The following RANBP17 variants were observed in gnomAD, a reference collection of about 807,000 sequenced individuals.
RANBP17 encodes RAN binding protein 17, also known as ran-binding protein 17.
RANBP17 carries 158 observed loss-of-function variants against 141.2 expected under a neutral mutation model. The ratio of observed to expected loss-of-function variants is 1.12; its 90% confidence interval spans 0.98 to 1.28. The LOEUF (loss-of-function observed/expected upper bound fraction) is 1.28, where lower values mean the gene tolerates loss of function less well. RANBP17 is among the 50% of genes most tolerant of loss of function. The probability of loss-of-function intolerance (pLI) is 0.00; values close to 1 mark genes in which losing one functional copy is unlikely to be tolerated. For missense variants in RANBP17, 1,438 were observed against 1,290.7 expected, an observed-to-expected ratio of 1.11 and a Z score of -1.75; for synonymous variants, 430 against 450.0, an observed-to-expected ratio of 0.96 and a Z score of 0.56.
At chr5:171,261,483 A>G (rs1281146002) in intron 24 of RANBP17, among the ~76,000 whole-genome samples, 1 of 152,194 alleles carries the variant, frequency 6.6e-6, no homozygotes, top group Non-Finnish European at 1.5e-5. Context: ...ATTTCGGTTC[A>G]GCCTCATTCT....
intron 14 of RANBP17, among the ~76,000 whole-genome samples, chr5:171,017,103 G>T (rs1226075169): frequency 1.3e-5 from 2 of 152,076 alleles, no homozygotes; most frequent in African/African-American, 4.8e-5. Flanking sequence ...TATTATGTCT[G>T]CATAGTATTC....
intron 25 of RANBP17, among the ~76,000 whole-genome samples, chr5:171,267,806 A>T (rs1200603): frequency 1.1e-4 from 17 of 152,170 alleles, no homozygotes; most frequent in Non-Finnish European, 2.4e-4. Flanking sequence ...TCTCAAAAAA[A>T]AAAGAAAAAG....
rs78800347 is a variant in RANBP17 at position 171,299,388 on chromosome 5, C to G, written c.*530C>G. 418 of 231,884 alleles carry G rather than the reference C, an allele frequency of 1.8e-3. 1 individual carries two copies. Among genetic ancestry groups the G allele is most frequent in the African/African-American group, 8.6e-3 (390 of 45,360 alleles). 14.4% of individuals were successfully genotyped at this position (231,884 alleles called of 1,614,324 possible). On this transcript the variant is annotated 3_prime_UTR_variant, in exon 28 of 28. Coordinates refer to ENST00000523189, the MANE Select transcript of RANBP17 (RefSeq NM_022897.5). ...CTACAGAGCATCCCACAGGACCACACGCAGGCCTCCCTGCCTCAGCTGCAT... is the reference window on the plus strand; with the variant it reads ...CTACAGAGCATCCCACAGGACCACAGGCAGGCCTCCCTGCCTCAGCTGCAT...
intron 14 of RANBP17, among the ~76,000 whole-genome samples, chr5:171,131,172 GGATTAGAGGA>G (rs1396719371): frequency 6.6e-6 from 1 of 152,068 alleles, no homozygotes; most frequent in Non-Finnish European, 1.5e-5. Flanking sequence ...GCTGTTATAA[GGATTAGAGGA>G]GATTACCTGT....
At chr5:170,914,897 A>G (rs79783257) in intron 8 of RANBP17, among the ~76,000 whole-genome samples, 4,094 of 152,240 alleles carry the variant, frequency 0.027, 170 homozygotes, top group African/African-American at 0.093. Context: ...GAGTTCTAAT[A>G]TTGCCATTTT....
At chr5:171,098,869 A>G (rs572535031) in intron 14 of RANBP17, among the ~76,000 whole-genome samples, 1 of 151,918 alleles carries the variant, frequency 6.6e-6, no homozygotes, top group East Asian at 1.9e-4. Context: ...TTTCTTAAAT[A>G]GGGAATTCTT....
At chr5:171,103,692 C>G (rs1263279026) in intron 14 of RANBP17, among the ~76,000 whole-genome samples, 1 of 151,946 alleles carries the variant, frequency 6.6e-6, no homozygotes, top group African/African-American at 2.4e-5. Context: ...GCTCAAATGG[C>G]CACCCAGTTT....
chr5:171,051,582 A>G (rs1782952621), intron 14 of RANBP17, among the ~76,000 whole-genome samples: 1 of 152,170 alleles, frequency 6.6e-6, no homozygotes, highest in Admixed American at 6.6e-5. Context: ...TTTATGGCTG[A>G]ATACTATTTA....
rs534667779 is a variant in RANBP17, at chr5:170,956,802, T to G, written c.1574+3100T>G. 4.0e-3 allele frequency among the ~76,000 whole-genome samples: 599 copies of G among 148,820 alleles called. 7 individuals are homozygous for G. The highest frequency in any genetic ancestry group is 0.014 in the African/African-American group (574 of 40,810). On this transcript the variant is annotated intron_variant, in intron 13 of 27. Transcript: ENST00000523189. ...CAGGGAAATAAACGACTGGGCGCAGTGGCTCATGCCTGTAATCCCAGCACT... is the reference window on the plus strand; with the variant it reads ...CAGGGAAATAAACGACTGGGCGCAGGGGCTCATGCCTGTAATCCCAGCACT...
chr5:171,223,615 A>G (rs528067162), intron 22 of RANBP17, among the ~76,000 whole-genome samples: 1 of 152,224 alleles, frequency 6.6e-6, no homozygotes, highest in Admixed American at 6.5e-5. Flanking sequence ...AGCCTGGGCA[A>G]CAAGAGTGAA....
chr5:171,206,910 T>C (rs1370223563), intron 20 of RANBP17: 2 of 185,162 alleles, frequency 1.1e-5, no homozygotes, highest in East Asian at 1.7e-4. Flanking sequence ...GTACAGAGAT[T>C]ATGAAATTTC....
intron 27 of RANBP17, among the ~76,000 whole-genome samples, chr5:171,297,653 G>C (rs913837325): frequency 1.3e-5 from 2 of 151,858 alleles, no homozygotes; most frequent in African/African-American, 4.8e-5. Flanking sequence ...TAGGTGTCTC[G>C]GTGGAAATTA....
intron 22 of RANBP17, among the ~76,000 whole-genome samples, chr5:171,239,243 C>G (rs1003333736): frequency 1.3e-4 from 20 of 152,090 alleles, no homozygotes; most frequent in Non-Finnish European, 2.4e-4. Flanking sequence ...GTTATATGGA[C>G]TTCTAAGGCT....
At chr5:170,939,715 C>A (rs1774180567) in intron 12 of RANBP17, among the ~76,000 whole-genome samples, 1 of 152,016 alleles carries the variant, frequency 6.6e-6, no homozygotes, top group African/African-American at 2.4e-5. Context: ...CATTCATAGT[C>A]TGTACAAAAT....
intron 14 of RANBP17, among the ~76,000 whole-genome samples, chr5:171,032,840 C>T (rs1202070979): frequency 2.6e-5 from 4 of 151,972 alleles, no homozygotes; most frequent in Non-Finnish European, 4.4e-5. Context: ...GTAGAGACTG[C>T]GCATTATTGT....
At chr5:171,071,651 T>G (rs1451360385) in intron 14 of RANBP17, among the ~76,000 whole-genome samples, 3 of 18,934 alleles carry the variant, frequency 1.6e-4, no homozygotes, top group African/African-American at 1.7e-4. Flanking sequence ...AACAGCTTTA[T>G]GCAAAAAAAA....
Position 170,909,715 on chromosome 5 carries a change from G to A in RANBP17, c.544G>A (p.Asp182Asn). 6.3e-7 allele frequency: 1 copy of A among 1,597,228 alleles called. No homozygotes were observed. The highest frequency in any genetic ancestry group is 8.6e-7 in the Non-Finnish European group (1 of 1,168,072). The change falls in exon 6 of 28, where the codon GAT (aspartate) becomes AAT (asparagine). Residue 182 changes from aspartate (D) to asparagine (N), a missense_variant. By Grantham distance (23) the Asp-to-Asn change is conservative. Coordinates refer to ENST00000523189, the MANE Select transcript of RANBP17 (RefSeq NM_022897.5). ...KHRKIATSFR[D>N]TSLKDVLVLA... is the part of the protein sequence containing the mutation. ...CAGGAAAATAGCTACCTCATTTCGTGATACTTCTCTCAAAGACGTTTTAGT... is the reference window on the plus strand; with the variant it reads ...CAGGAAAATAGCTACCTCATTTCGTAATACTTCTCTCAAAGACGTTTTAGT...
chr5:170,879,039 T>C (rs1768432839), intron 2 of RANBP17, among the ~76,000 whole-genome samples: 1 of 152,174 alleles, frequency 6.6e-6, no homozygotes, highest in African/African-American at 2.4e-5. Context: ...AGAACTGTTT[T>C]TGGGCGGATA....
chr5:171,281,099 G>C (rs943091506), intron 25 of RANBP17, among the ~76,000 whole-genome samples: 1 of 152,172 alleles, frequency 6.6e-6, no homozygotes, highest in African/African-American at 2.4e-5. Flanking sequence ...GTCATTCCCA[G>C]ACTTTAGTTA....
Sources: gnomAD v4.1 joint callset for allele counts (sites outside exome capture counted in the v4.1 genomes callset) on GRCh38, gnomAD v4.1.1 for gene constraint, MANE v1.5 for transcripts, NCBI Gene and HGNC (gene_info 2026-07-23, HGNC 2026-07-21) for gene names.